Variants in ATCAY observed in about 807,000 individuals in gnomAD.
ATCAY encodes the protein caytaxin.
Under a neutral mutation model 47.7 loss-of-function variants are expected in ATCAY, and 22 were observed. That is an observed-to-expected ratio of 0.46 (90% CI 0.33 to 0.66). ATCAY has a LOEUF of 0.66. Among genes scored for constraint, ATCAY ranks in the 30% least tolerant of loss-of-function variants. The probability of loss-of-function intolerance (pLI) is 0.02; values close to 1 mark genes in which losing one functional copy is unlikely to be tolerated. For missense variants in ATCAY, 452 were observed against 515.0 expected (o/e 0.88, Z 1.18); for synonymous variants, 216 against 207.6 (o/e 1.04, Z -0.35).
intron 2 of ATCAY, among the ~76,000 whole-genome samples, chr19:3,900,619 C>T (rs8109915): frequency 0.025 from 3,737 of 152,134 alleles, 178 homozygotes; most frequent in African/African-American, 0.085. Flanking sequence ...TCACTGCAAC[C>T]TCCGCCTCCC....
intron 11 of ATCAY, among the ~76,000 whole-genome samples, chr19:3,919,753 CAAA>C (rs60439580): frequency 1.4e-5 from 2 of 140,424 alleles, no homozygotes; most frequent in Non-Finnish European, 1.6e-5. Context: ...GACCCTGTCT[CAAA>C]AAAAAAAAAA....
chr19:3,913,785 C>G lies in ATCAY; in HGVS notation c.894C>G (p.Tyr298Ter). 1.2e-6 allele frequency: 2 copies of G among 1,613,830 alleles called. No individual in the cohort carries two copies. Among genetic ancestry groups the G allele is most frequent in the Non-Finnish European group, 1.7e-6 (2 of 1,179,860 alleles). The part of the protein sequence containing the change: ...ISVKFINKIQ[Y>*]VHSLEDLEQL... ...TCAAGTTCATCAACAAGATCCAGTACGTGCACAGCTTGGAAGACCTGGAGC... is the reference window on the plus strand; with the variant it reads ...TCAAGTTCATCAACAAGATCCAGTAGGTGCACAGCTTGGAAGACCTGGAGC... The change falls in exon 9 of 13, where the codon TAC (tyrosine) becomes TAG (stop). Residue 298 changes from tyrosine (Y) to a stop codon, truncating the protein, a stop_gained. Coordinates refer to ENST00000450849, the MANE Select transcript of ATCAY (RefSeq NM_033064.5). LOFTEE classifies it high-confidence loss of function.
At chr19:3,889,059 C>T (rs540049587) in intron 2 of ATCAY, among the ~76,000 whole-genome samples, 1 of 152,074 alleles carries the variant, frequency 6.6e-6, no homozygotes, top group Admixed American at 6.6e-5. Context: ...CGCTTGAGCC[C>T]AGGAGTTTGA....
chr19:3,901,541 C>T (rs765719797), intron 2 of ATCAY, among the ~76,000 whole-genome samples: 2 of 152,130 alleles, frequency 1.3e-5, no homozygotes, highest in Non-Finnish European at 2.9e-5. Context: ...GAGAATTCAA[C>T]TTACTAACTT....
intron 12 of ATCAY, 85 bp from the exon 13 acceptor site, chr19:3,924,498 T>C: frequency 8.5e-6 from 13 of 1,531,918 alleles, no homozygotes; most frequent in Non-Finnish European, 1.1e-5. Context: ...GTGGGATCAT[T>C]GTTTTGGATT....
At chr19:3,906,918 A>G (rs1393657555) in intron 4 of ATCAY, among the ~76,000 whole-genome samples, 2 of 151,754 alleles carry the variant, frequency 1.3e-5, no homozygotes, top group Non-Finnish European at 2.9e-5. Context: ...TGGGCAGATC[A>G]CCTGAGGTCA....
chr19:3,911,381 A>G lies in ATCAY; in HGVS notation c.866+492A>G, dbSNP rs186879298. ...ACCCTGTCTCAAAAGAAAATCAGTCATGCATGGCATCACATGCCTGTAGTC... is the reference window on the plus strand; with the variant it reads ...ACCCTGTCTCAAAAGAAAATCAGTCGTGCATGGCATCACATGCCTGTAGTC... On this transcript the variant is annotated intron_variant, in intron 8 of 12. Transcript: ENST00000450849. 7.2e-5 allele frequency among the ~76,000 whole-genome samples: 11 copies of G among 151,978 alleles called. No homozygotes were observed. The East Asian group carries it at 2.1e-3, about 29-fold the overall frequency.
chr19:3,910,970 CA>C, intron 8 of ATCAY, 81 bp downstream of exon 8: 1 of 1,462,652 alleles, frequency 6.8e-7, no homozygotes, highest in Non-Finnish European at 9.6e-7. Context: ...TTTGTGTGTG[CA>C]TGTGTGCACG....
intron 12 of ATCAY, among the ~76,000 whole-genome samples, chr19:3,921,479 A>T (rs1218278335): frequency 6.6e-6 from 1 of 152,162 alleles, no homozygotes; most frequent in Non-Finnish European, 1.5e-5. Flanking sequence ...CTGTGTGTTG[A>T]TGTCCAAGGG....
intron 3 of ATCAY, among the ~76,000 whole-genome samples, chr19:3,904,181 G>A (rs752856474): frequency 6.6e-5 from 10 of 151,826 alleles, no homozygotes; most frequent in African/African-American, 1.5e-4. Flanking sequence ...AAGATTAGTC[G>A]GGCTTGGTGG....
chr19:3,923,918 G>T (rs1157244746), intron 12 of ATCAY, among the ~76,000 whole-genome samples: 1 of 150,166 alleles, frequency 6.7e-6, no homozygotes, highest in Non-Finnish European at 1.5e-5. Context: ...GTGGGTGGTT[G>T]TATGGTTGGT....
intron 1 of ATCAY, 68 bp downstream of exon 1, chr19:3,881,076 TGCCGCCTCTAA>T (rs2038594160): frequency 1.3e-5 from 2 of 152,160 alleles, no homozygotes; most frequent in African/African-American, 4.8e-5. Flanking sequence ...CGGCAGCCTT[TGCCGCCTCTAA>T]ATCCCTTTCC....
rs932695138 is a variant in ATCAY at position 3,927,583 on chromosome 19, C to T, written c.*2991C>T. On this transcript the variant is annotated 3_prime_UTR_variant, in exon 13 of 13. Coordinates refer to ENST00000450849, the MANE Select transcript of ATCAY (RefSeq NM_033064.5). ...CCCCCACCAGAAACTCCAGGGGGTC[C>T]GCCCGTTATGCCGTGGCCCACCCAC... 3 of 152,322 alleles carry T rather than the reference C, an allele frequency of 2.0e-5. No individual in the cohort carries two copies. Among genetic ancestry groups the T allele is most frequent in the East Asian group, 1.9e-4 (1 of 5,194 alleles). The allele number at this position is 152,322 out of a possible 1,614,324, so 9.4% of individuals were successfully genotyped here.
intron 2 of ATCAY, among the ~76,000 whole-genome samples, chr19:3,901,211 T>A (rs925462899): frequency 1.3e-5 from 2 of 152,212 alleles, no homozygotes; most frequent in African/African-American, 4.8e-5. Flanking sequence ...CTATCCTTCA[T>A]CTTCTTGAGG....
At chr19:3,914,891 G>T (rs947259585) in intron 9 of ATCAY, among the ~76,000 whole-genome samples, 7 of 151,932 alleles carry the variant, frequency 4.6e-5, no homozygotes, top group African/African-American at 1.7e-4. Context: ...CCCCCACCGG[G>T]TCCCCCTGGC....
chr19:3,896,768 G>A (rs1568446210), intron 2 of ATCAY, among the ~76,000 whole-genome samples: 1 of 151,450 alleles, frequency 6.6e-6, no homozygotes, highest in East Asian at 1.9e-4. Context: ...CCCTGGCTGG[G>A]CAAGTGGTTG....
At chr19:3,890,164 G>A (rs1020209892) in intron 2 of ATCAY, among the ~76,000 whole-genome samples, 2 of 146,848 alleles carry the variant, frequency 1.4e-5, no homozygotes, top group South Asian at 2.1e-4. Context: ...GGCTGGTCTC[G>A]AACTCTCAAC....
intron 6 of ATCAY, among the ~76,000 whole-genome samples, chr19:3,908,996 C>T (rs1244036251): frequency 2.2e-5 from 1 of 44,702 alleles, no homozygotes; most frequent in Non-Finnish European, 3.6e-5. Flanking sequence ...AGAGTGAGAA[C>T]CTGTCTCAAA....
At chr19:3,908,232 G>A in intron 5 of ATCAY, 36 bp from the exon 6 acceptor site, 1 of 1,524,374 alleles carries the variant, frequency 6.6e-7, no homozygotes, top group Non-Finnish European at 8.9e-7. Context: ...GGCTGGGAGA[G>A]GACTCTGACG....
Sources: allele counts gnomAD v4.1 joint callset (sites outside exome capture counted in the v4.1 genomes callset), GRCh38; gene constraint gnomAD v4.1.1; transcripts MANE v1.5; gene names NCBI Gene and HGNC (gene_info 2026-07-23, HGNC 2026-07-21).